Variants in RNF180 observed in about 807,000 individuals in gnomAD.
RNF180 encodes ring finger protein 180.
A neutral mutation model predicts 59.2 loss-of-function variants in RNF180; 38 were observed. The ratio of observed to expected loss-of-function variants is 0.64; its 90% CI spans 0.50 to 0.84. RNF180 has a LOEUF of 0.84. Ranked by LOEUF, RNF180 falls within the 40% of genes least tolerant of loss-of-function variation. The pLI is 0.00. For missense variants in RNF180, 705 were observed against 700.9 expected (o/e 1.01, Z -0.07); for synonymous variants, 262 against 240.3 (o/e 1.09, Z -0.84).
At chr5:64,293,251 G>C (rs1479416567) in intron 5 of RNF180, among the ~76,000 whole-genome samples, 29 of 152,122 alleles carry the variant, frequency 1.9e-4, no homozygotes. Flanking sequence ...CTGCTCCTGG[G>C]GGGGCTGTTG....
chr5:64,284,979 TTGTA>T (rs1470631855), intron 5 of RNF180, among the ~76,000 whole-genome samples: 9 of 152,282 alleles, frequency 5.9e-5, no homozygotes, highest in African/African-American at 2.2e-4. Flanking sequence ...CTGTTGTCCT[TTGTA>T]TGGGGATTTT....
chr5:64,210,775 C>T (rs1383961047), intron 2 of RNF180, among the ~76,000 whole-genome samples: 2 of 152,100 alleles, frequency 1.3e-5, no homozygotes, highest in African/African-American at 4.8e-5. Flanking sequence ...ATACCTTTCT[C>T]CTGGTATAGG....
intron 5 of RNF180, among the ~76,000 whole-genome samples, chr5:64,271,615 C>T (rs1456342519): frequency 3.3e-5 from 5 of 151,966 alleles, no homozygotes; most frequent in Non-Finnish European, 7.4e-5. Context: ...TTTCTCAGAA[C>T]ATATTCCATG....
chr5:64,259,752 A>G (rs1340112962), intron 5 of RNF180, among the ~76,000 whole-genome samples: 1 of 152,006 alleles, frequency 6.6e-6, no homozygotes, highest in Non-Finnish European at 1.5e-5. Context: ...GAGAAGCCCC[A>G]TCTCTACTAA....
At chr5:64,208,836 AT>A (rs141154206) in intron 2 of RNF180, among the ~76,000 whole-genome samples, 3,831 of 152,074 alleles carry the variant, frequency 0.025, 183 homozygotes, top group African/African-American at 0.088. Context: ...AAAGAAAAAA[AT>A]ATATGCTGTT....
intron 2 of RNF180, among the ~76,000 whole-genome samples, chr5:64,207,267 A>G (rs960743838): frequency 3.3e-5 from 5 of 152,166 alleles, no homozygotes; most frequent in African/African-American, 9.6e-5. Context: ...ATAGGAAGCC[A>G]TAAGAGTAGG....
intron 7 of RNF180, among the ~76,000 whole-genome samples, chr5:64,361,079 G>A (rs1746237422): frequency 6.6e-6 from 1 of 151,378 alleles, no homozygotes; most frequent in South Asian, 2.1e-4. Flanking sequence ...CTTGCAAGAT[G>A]TGCAGGCACA....
intron 5 of RNF180, among the ~76,000 whole-genome samples, chr5:64,284,675 A>T (rs1010451358): frequency 6.6e-6 from 1 of 152,144 alleles, no homozygotes; most frequent in Non-Finnish European, 1.5e-5. Flanking sequence ...TTTAATCCCT[A>T]TCAGATCAGT....
intron 5 of RNF180, among the ~76,000 whole-genome samples, chr5:64,302,512 A>T (rs185396786): frequency 6.1e-4 from 93 of 151,608 alleles, no homozygotes; most frequent in Non-Finnish European, 9.3e-4. Flanking sequence ...AGGCTACTTC[A>T]TTGCCATAGA....
At chr5:64,348,838 A>C (rs1429542223) in intron 7 of RNF180, among the ~76,000 whole-genome samples, 1 of 152,098 alleles carries the variant, frequency 6.6e-6, no homozygotes, top group Admixed American at 6.6e-5. Context: ...GATATAACTT[A>C]TTATTCAGCA....
At chr5:64,255,115 A>C (rs1743852768) in intron 5 of RNF180, among the ~76,000 whole-genome samples, 1 of 152,224 alleles carries the variant, frequency 6.6e-6, no homozygotes, top group African/African-American at 2.4e-5. Flanking sequence ...TAAAAAAATT[A>C]TTAAACCATT....
intron 5 of RNF180, among the ~76,000 whole-genome samples, chr5:64,245,641 G>C (rs542967406): frequency 6.6e-6 from 1 of 152,134 alleles, no homozygotes; most frequent in South Asian, 2.1e-4. Flanking sequence ...CCTACAAAGA[G>C]ACTTAGACTC....
intron 5 of RNF180, among the ~76,000 whole-genome samples, chr5:64,241,361 C>T (rs1442932324): frequency 6.6e-6 from 1 of 152,202 alleles, no homozygotes; most frequent in Non-Finnish European, 1.5e-5. Context: ...TCTGGGAAAG[C>T]TTTCTCTTAT....
chr5:64,260,329 T>C (rs1156353527), intron 5 of RNF180, among the ~76,000 whole-genome samples: 1 of 152,216 alleles, frequency 6.6e-6, no homozygotes, highest in Non-Finnish European at 1.5e-5. Context: ...ATTATCCTTC[T>C]ATTAATGAAT....
chr5:64,356,269 A>G (rs1443332640), intron 7 of RNF180, among the ~76,000 whole-genome samples: 2 of 151,888 alleles, frequency 1.3e-5, no homozygotes, highest in African/African-American at 4.8e-5. Context: ...CAAAAAAAAA[A>G]ATAAATGTGG....
chr5:64,198,393 G>A (rs557140061), intron 1 of RNF180, among the ~76,000 whole-genome samples: 2 of 152,240 alleles, frequency 1.3e-5, no homozygotes, highest in South Asian at 4.2e-4. Flanking sequence ...TGAAAATACT[G>A]GTTTAGAGCT....
chr5:64,256,046 T>G (rs1580122872), intron 5 of RNF180, among the ~76,000 whole-genome samples: 1 of 152,148 alleles, frequency 6.6e-6, no homozygotes. Context: ...TTGATGGGGT[T>G]GTTTGTTTTT....
At chr5:64,219,137 T>A (rs1235952332) in intron 5 of RNF180, among the ~76,000 whole-genome samples, 1 of 152,202 alleles carries the variant, frequency 6.6e-6, no homozygotes, top group African/African-American at 2.4e-5. Context: ...CTTTTTCAGG[T>A]TGAGGACATT....
chr5:64,317,804 T>A (rs968304221), intron 5 of RNF180, among the ~76,000 whole-genome samples: 1 of 130,586 alleles, frequency 7.7e-6, no homozygotes, highest in Non-Finnish European at 1.6e-5. Flanking sequence ...CATTTTAAAT[T>A]GAAAAATGTA....
Sources: gnomAD v4.1 joint callset for allele counts (sites outside exome capture counted in the v4.1 genomes callset) on GRCh38, gnomAD v4.1.1 for gene constraint, MANE v1.5 for transcripts, NCBI Gene and HGNC (gene_info 2026-07-23, HGNC 2026-07-21) for gene names.